PACRG: variants seen among roughly 807,000 people sequenced by gnomAD.
PACRG encodes parkin coregulated gene protein.
PACRG carries 29 observed loss-of-function variants against 29.7 expected under a neutral mutation model. The observed-to-expected ratio is 0.98, with a 90% CI of 0.73 to 1.33. The LOEUF (loss-of-function observed/expected upper bound fraction) is 1.33, where lower values mean the gene tolerates loss of function less well. Among genes scored for constraint, PACRG ranks in the 40% most tolerant of loss-of-function variants. The pLI, the probability that PACRG is intolerant of heterozygous loss-of-function variation, is 0.00. For synonymous variants in PACRG, 116 were observed against 118.7 expected (o/e 0.98, Z 0.15); for missense variants, 279 against 316.2 (o/e 0.88, Z 0.89).
At chr6:162,758,299 T>C (rs2128287632) in intron 1 of PACRG, among the ~76,000 whole-genome samples, 1 of 152,304 alleles carries the variant, frequency 6.6e-6, no homozygotes, top group East Asian at 1.9e-4. Flanking sequence ...TCTAGTGATA[T>C]ATATATGTCA....
In PACRG at chr6:162,863,667, CAT is replaced by C; in HGVS notation, c.291+49389_291+49390del. 3.3e-5 allele frequency among the ~76,000 whole-genome samples: 5 copies of C among 152,316 alleles called. No homozygotes were observed. The East Asian group carries it at 9.6e-4, about 29-fold the overall frequency. ...ATGCTGCGGCACAGCAGGCTACTTT[CAT>C]ATGTGTTATTTCATTAAATCCTTAA... On this transcript the variant is annotated intron_variant, in intron 2 of 4. Coordinates refer to ENST00000366888, the MANE Select transcript of PACRG (RefSeq NM_001080379.2).
At chr6:163,044,783 T>A (rs1328978218) in intron 2 of PACRG, 1 of 152,244 alleles carries the variant, frequency 6.6e-6, no homozygotes, top group Non-Finnish European at 1.5e-5. Context: ...AGAGGTGTCA[T>A]GAGCAGGTGA....
In PACRG at chr6:162,740,316, C is replaced by CTT. The variant is rs71008106; in HGVS notation, c.156+11936_156+11937dup. 9.2e-4 allele frequency among the ~76,000 whole-genome samples: 134 copies of CTT among 146,448 alleles called. 1 individual carries two copies. The highest frequency in any genetic ancestry group is 2.9e-3 in the African/African-American group (116 of 39,904). On this transcript the variant is annotated intron_variant, in intron 1 of 4. Coordinates refer to ENST00000366888, the MANE Select transcript of PACRG (RefSeq NM_001080379.2). ...CAATTTGTGGGACAATATCAATCAT[C>CTT]TTTTTTTTTTTTGAGACGGAGTCTT... is the stretch of plus-strand genomic sequence containing the variant.
chr6:162,952,165 G>A (rs1026655503), intron 2 of PACRG, among the ~76,000 whole-genome samples: 9 of 152,096 alleles, frequency 5.9e-5, no homozygotes, highest in African/African-American at 1.7e-4. Flanking sequence ...TCCGTTTATT[G>A]TAAGAAATTA....
intron 2 of PACRG, among the ~76,000 whole-genome samples, chr6:162,958,884 T>TAGAG (rs200270873): frequency 1.5e-3 from 31 of 21,160 alleles, no homozygotes; most frequent in Non-Finnish European, 2.2e-3. Flanking sequence ...TATATATATA[T>TAGAG]AGAGAGAGAG....
intron 4 of PACRG, among the ~76,000 whole-genome samples, chr6:163,194,478 C>T (rs974932): frequency 0.049 from 7,506 of 152,072 alleles, 549 homozygotes; most frequent in African/African-American, 0.16. Flanking sequence ...GAAACCCCGG[C>T]GCCTCCAGGC....
At chr6:162,941,859 G>A (rs1392642187) in intron 2 of PACRG, among the ~76,000 whole-genome samples, 2 of 152,100 alleles carry the variant, frequency 1.3e-5, no homozygotes, top group Non-Finnish European at 2.9e-5. Context: ...AAAGTTATCA[G>A]TTTGAACTTT....
At chr6:163,024,509 G>T (rs149690309) in intron 2 of PACRG, among the ~76,000 whole-genome samples, 4 of 152,234 alleles carry the variant, frequency 2.6e-5, no homozygotes, top group Non-Finnish European at 5.9e-5. Context: ...TGGGCAATAT[G>T]GTGCCTCCAC....
chr6:162,848,784 T>C (rs578083282), intron 2 of PACRG, among the ~76,000 whole-genome samples: 1 of 152,372 alleles, frequency 6.6e-6, no homozygotes, highest in South Asian at 2.1e-4. Context: ...ATATACACTA[T>C]ATGCCAGGCA....
At chr6:163,113,027 G>T (rs943522587) in intron 4 of PACRG, among the ~76,000 whole-genome samples, 1 of 152,120 alleles carries the variant, frequency 6.6e-6, no homozygotes, top group African/African-American at 2.4e-5. Context: ...TGAACAAAAT[G>T]AAGATACCAA....
intron 1 of PACRG, among the ~76,000 whole-genome samples, chr6:162,762,684 T>C (rs1782471818): frequency 6.6e-6 from 1 of 152,224 alleles, no homozygotes; most frequent in South Asian, 2.1e-4. Flanking sequence ...CTATTTCACA[T>C]TATGTGAATA....
intron 1 of PACRG, among the ~76,000 whole-genome samples, chr6:162,741,981 G>C (rs983216294): frequency 3.7e-4 from 56 of 152,252 alleles, no homozygotes; most frequent in Admixed American, 9.8e-4. Context: ...TAGTCACCAT[G>C]TTGTACAATA....
intron 2 of PACRG, among the ~76,000 whole-genome samples, chr6:162,929,816 T>G (rs2128104700): frequency 6.6e-6 from 1 of 151,978 alleles, no homozygotes; most frequent in South Asian, 2.1e-4. Flanking sequence ...GTTTTCCTAG[T>G]ACCATGTATT....
At chr6:162,769,465 G>A (rs1310901182) in intron 1 of PACRG, among the ~76,000 whole-genome samples, 1 of 152,054 alleles carries the variant, frequency 6.6e-6, no homozygotes, top group Non-Finnish European at 1.5e-5. Context: ...ACGTGTTGTA[G>A]CAAGGACTAA....
intron 1 of PACRG, among the ~76,000 whole-genome samples, chr6:162,805,412 T>C (rs754454185): frequency 6.6e-6 from 1 of 152,198 alleles, no homozygotes; most frequent in Non-Finnish European, 1.5e-5. Context: ...CAGTGAGTCT[T>C]AGTCTTTTTG....
rs552082769 is a variant in PACRG, at chr6:162,963,788, A to G, written c.292-98362A>G. The stretch of plus-strand genomic sequence containing the variant: ...AGTATCAGGAGGTTGTTCAGTATCA[A>G]CAGAACTCTATCCAGGCCTGCATAT... On this transcript the variant is annotated intron_variant, in intron 2 of 4. Transcript: ENST00000366888. 2.7e-3 allele frequency among the ~76,000 whole-genome samples: 413 copies of G among 152,110 alleles called. 1 individual carries two copies. The highest frequency in any genetic ancestry group is 5.0e-3 in the Non-Finnish European group (341 of 67,984).
chr6:163,127,021 A>C (rs945987555), intron 4 of PACRG, among the ~76,000 whole-genome samples: 1 of 152,240 alleles, frequency 6.6e-6, no homozygotes. Flanking sequence ...CTGACTACGT[A>C]GCATCAATTA....
At chr6:162,947,406 C>CATATATATAATCATATATAATATATA (rs377477632) in intron 2 of PACRG, among the ~76,000 whole-genome samples, 5 of 48,620 alleles carry the variant, frequency 1.0e-4, no homozygotes, top group Admixed American at 2.2e-4. Context: ...AATATATAAT[C>CATATATATAATCATATATAATATATA]ATATATAATC....
intron 4 of PACRG, among the ~76,000 whole-genome samples, chr6:163,196,813 C>A (rs1051400032): frequency 2.0e-5 from 3 of 151,798 alleles, no homozygotes; most frequent in Admixed American, 6.6e-5. Context: ...GACAGACAGA[C>A]AAATAGATAA....
Sources: allele counts gnomAD v4.1 joint callset (sites outside exome capture counted in the v4.1 genomes callset), GRCh38; gene constraint gnomAD v4.1.1; transcripts MANE v1.5; gene names NCBI Gene and HGNC (gene_info 2026-07-23, HGNC 2026-07-21).